Variants in FBXO48 observed in about 807,000 individuals in gnomAD.
The protein encoded by FBXO48 is F-box protein 48.
FBXO48 carries 12 observed loss-of-function variants against 14.3 expected under a neutral mutation model. The observed-to-expected ratio is 0.84, with a 90% CI of 0.54 to 1.36. The LOEUF (loss-of-function observed/expected upper bound fraction) is 1.36, where lower values mean the gene tolerates loss of function less well. Ranked by LOEUF, FBXO48 falls within the 40% of genes most tolerant of loss-of-function variation. The pLI is 0.00. For missense variants in FBXO48, 177 were observed against 179.1 expected (o/e 0.99, Z 0.07); for synonymous variants, 53 against 61.7 (o/e 0.86, Z 0.66).
rs762735874 is a variant in FBXO48 at position 68,465,063 on chromosome 2, T to C, written c.83A>G (p.Asn28Ser). The C allele has an allele frequency of 3.8e-5, 62 of 1,613,434 alleles. No homozygotes were observed. Among genetic ancestry groups the C allele is most frequent in the Non-Finnish European group, 3.4e-5 (40 of 1,179,732 alleles). ...ANSVDAEKEKNESQNNFFELL... is the reference protein window; with the variant it reads ...ANSVDAEKEKSESQNNFFELL... ...TTCAAAAAAGTTGTTTTGACTCTCA[T>C]TTTTTTCCTTCTCAGCATCCACAGA... The change falls in exon 3 of 4, where the codon AAT (asparagine) becomes AGT (serine). Residue 28 changes from asparagine to serine, a missense_variant. Coordinates refer to ENST00000377957, the MANE Select transcript of FBXO48 (RefSeq NM_001024680.3).
intron 3 of FBXO48, 78 bp downstream of exon 3, chr2:68,464,762 A>G: frequency 4.7e-6 from 5 of 1,058,838 alleles, no homozygotes; most frequent in South Asian, 1.4e-5. Flanking sequence ...TGACTCCTCC[A>G]AGCAGAAGTT....
In FBXO48 at chr2:68,463,769, A is replaced by C. The variant is rs1017263579; in HGVS notation, c.*440T>G. 1.9e-5 allele frequency: 3 copies of C among 155,388 alleles called. No individual in the cohort carries two copies. Among genetic ancestry groups the C allele is most frequent in the African/African-American group, 7.2e-5 (3 of 41,472 alleles). 9.6% of individuals were successfully genotyped at this position (155,388 alleles called of 1,614,324 possible). A position where few individuals can be genotyped will look rare whatever the true frequency, so the allele number is the denominator to read the frequency against. On this transcript the variant is annotated 3_prime_UTR_variant, in exon 4 of 4. Transcript: ENST00000377957. Reference sequence around the variant, plus strand: ...TTAAAATGTCAATGTATTAATTTAAATGTATTGCTATTAATTTCACTTAGC... The same window carrying C: ...TTAAAATGTCAATGTATTAATTTAACTGTATTGCTATTAATTTCACTTAGC...
Position 68,461,378 on chromosome 2 carries a change from G to A in FBXO48, c.*2831C>T, listed in dbSNP as rs1675260814. On this transcript the variant is annotated 3_prime_UTR_variant, in exon 4 of 4. Transcript: ENST00000377957. ...GTGGCGCAATCTCGGCTCACTGCAAGCTCCGCCTCCCGGGTTCACGCCATT... is the reference window on the plus strand; with the variant it reads ...GTGGCGCAATCTCGGCTCACTGCAAACTCCGCCTCCCGGGTTCACGCCATT... 1 of 143,654 alleles carries A rather than the reference G, an allele frequency of 7.0e-6. No homozygotes were observed. The highest frequency in any genetic ancestry group is 2.2e-4 in the South Asian group (1 of 4,596). 8.9% of individuals were successfully genotyped at this position (143,654 alleles called of 1,614,324 possible).
intron 2 of FBXO48, among the ~76,000 whole-genome samples, chr2:68,465,620 G>A (rs1245892239): frequency 6.6e-6 from 1 of 151,004 alleles, no homozygotes; most frequent in Non-Finnish European, 1.5e-5. Flanking sequence ...TTGAACTCTT[G>A]TCCTCAAGCA....
intron 2 of FBXO48, among the ~76,000 whole-genome samples, chr2:68,465,694 T>C (rs1220430921): frequency 6.6e-6 from 1 of 152,112 alleles, no homozygotes; most frequent in Admixed American, 6.5e-5. Context: ...ACCCGGTACT[T>C]TTGTACCTTT....
Position 68,464,371 on chromosome 2 carries a change from C to T in FBXO48, c.307-1G>A, listed in dbSNP as rs746605408. ...TCTGGTAATTCCTCAGCAGTATCACCTGAAAGAGGTAAATCACCGTTAAAA... is the reference window on the plus strand; with the variant it reads ...TCTGGTAATTCCTCAGCAGTATCACTTGAAAGAGGTAAATCACCGTTAAAA... On this transcript the variant is annotated splice_acceptor_variant, in intron 3 of 3. Coordinates refer to ENST00000377957, the MANE Select transcript of FBXO48 (RefSeq NM_001024680.3). LOFTEE classifies it high-confidence loss of function. The T allele has an allele frequency of 1.2e-6, 2 of 1,613,230 alleles. No homozygotes were observed. Among genetic ancestry groups the T allele is most frequent in the South Asian group, 1.1e-5 (1 of 91,050 alleles).
rs984266049 is a variant in FBXO48 at position 68,460,803 on chromosome 2, G to A, written c.*3406C>T. The A allele has an allele frequency of 6.6e-6, 1 of 152,222 alleles. No individual in the cohort carries two copies. 9.4% of individuals were successfully genotyped at this position (152,222 alleles called of 1,614,324 possible). A position where few individuals can be genotyped will look rare whatever the true frequency, so the allele number is the denominator to read the frequency against. Reference sequence around the variant, plus strand: ...GGAAAGCGAGTCTTTGGAGGAAACTGAGAAGACGGGTTAGAGTAGGGAAAG... The same window carrying A: ...GGAAAGCGAGTCTTTGGAGGAAACTAAGAAGACGGGTTAGAGTAGGGAAAG... On this transcript the variant is annotated 3_prime_UTR_variant, in exon 4 of 4. Transcript: ENST00000377957.
rs1266956814 is a variant in FBXO48 at position 68,459,765 on chromosome 2, A to T, written c.*4444T>A. The T allele has an allele frequency of 1.3e-5, 2 of 152,226 alleles. No individual in the cohort carries two copies. Among genetic ancestry groups the T allele is most frequent in the Non-Finnish European group, 2.9e-5 (2 of 68,036 alleles). The allele number at this position is 152,226 out of a possible 1,614,324, so 9.4% of individuals were successfully genotyped here. A position where few individuals can be genotyped will look rare whatever the true frequency, so the allele number is the denominator to read the frequency against. On this transcript the variant is annotated 3_prime_UTR_variant, in exon 4 of 4. Transcript: ENST00000377957. ...CCTGCCATTAAGAAGTTCACAGTGT[A>T]AAGGGGCAAACACACAAATAAAATA...
Position 68,462,352 on chromosome 2 carries a change from CCTTT to C in FBXO48, c.*1853_*1856del, listed in dbSNP as rs983895939. 9 of 151,818 alleles carry C rather than the reference CCTTT, an allele frequency of 5.9e-5. No individual in the cohort carries two copies. The highest frequency in any genetic ancestry group is 2.2e-4 in the African/African-American group (9 of 41,280). The allele number at this position is 151,818 out of a possible 1,614,324, so 9.4% of individuals were successfully genotyped here. A position where few individuals can be genotyped will look rare whatever the true frequency, so the allele number is the denominator to read the frequency against. On this transcript the variant is annotated 3_prime_UTR_variant, in exon 4 of 4. Transcript: ENST00000377957. ...TTTATGAAATAAAATTAGTAGGATACCTTTCTTTCTTCCTTTTTTTTTGAGACGA... is the reference window on the plus strand; with the variant it reads ...TTTATGAAATAAAATTAGTAGGATACCTTTCTTCCTTTTTTTTTGAGACGA...
In FBXO48 at chr2:68,461,018, T is replaced by G. The variant is rs147232323; in HGVS notation, c.*3191A>C. 8 of 152,330 alleles carry G rather than the reference T, an allele frequency of 5.3e-5. No homozygotes were observed. The East Asian group carries it at 1.2e-3, about 22-fold the overall frequency. The allele number at this position is 152,330 out of a possible 1,614,324, so 9.4% of individuals were successfully genotyped here. A position where few individuals can be genotyped will look rare whatever the true frequency, so the allele number is the denominator to read the frequency against. The stretch of plus-strand genomic sequence containing the variant: ...ACCATATGGAGTGATGGCCATATTA[T>G]AGCAGATTAAGACTGACTGGTGAGG... On this transcript the variant is annotated 3_prime_UTR_variant, in exon 4 of 4. Transcript: ENST00000377957.
Position 68,461,769 on chromosome 2 carries a change from C to G in FBXO48, c.*2440G>C, listed in dbSNP as rs985522661. 5 of 151,132 alleles carry G rather than the reference C, an allele frequency of 3.3e-5. No individual in the cohort carries two copies. The highest frequency in any genetic ancestry group is 9.7e-5 in the African/African-American group (4 of 41,118). 9.4% of individuals were successfully genotyped at this position (151,132 alleles called of 1,614,324 possible). ...AAAAAAAAACAAGAAAACAAAAAACCCAGCTGGGTGCGGTGGCTCATGCCT... is the reference window on the plus strand; with the variant it reads ...AAAAAAAAACAAGAAAACAAAAAACGCAGCTGGGTGCGGTGGCTCATGCCT... On this transcript the variant is annotated 3_prime_UTR_variant, in exon 4 of 4. Transcript: ENST00000377957.
In FBXO48 at chr2:68,463,974, T is replaced by C; in HGVS notation, c.*235A>G. 2.4e-6 allele frequency: 1 copy of C among 409,794 alleles called. No homozygotes were observed. Among genetic ancestry groups the C allele is most frequent in the Non-Finnish European group, 4.5e-6 (1 of 224,260 alleles). The allele number at this position is 409,794 out of a possible 1,614,324, so 25.4% of individuals were successfully genotyped here. A position where few individuals can be genotyped will look rare whatever the true frequency, so the allele number is the denominator to read the frequency against. ...TTGTATTTGGAAATCACTCTATCAG[T>C]ATATTATTTCTTATAAAAATAACAT... On this transcript the variant is annotated 3_prime_UTR_variant, in exon 4 of 4. Coordinates refer to ENST00000377957, the MANE Select transcript of FBXO48 (RefSeq NM_001024680.3).
chr2:68,464,402 T>G, intron 3 of FBXO48, 32 bp from the exon 4 acceptor site: 1 of 1,602,352 alleles, frequency 6.2e-7, no homozygotes, highest in Non-Finnish European at 8.5e-7. Flanking sequence ...TAAAAAAGAC[T>G]GTAGTAGGTG....
intron 1 of FBXO48, among the ~76,000 whole-genome samples, chr2:68,466,726 G>A (rs1329326347): frequency 6.6e-6 from 1 of 152,108 alleles, no homozygotes; most frequent in Non-Finnish European, 1.5e-5. Flanking sequence ...GGGAATGAAG[G>A]CTTTTGAATT....
chr2:68,462,837 G>C lies in FBXO48; in HGVS notation c.*1372C>G, dbSNP rs188864415. On this transcript the variant is annotated 3_prime_UTR_variant, in exon 4 of 4. Coordinates refer to ENST00000377957, the MANE Select transcript of FBXO48 (RefSeq NM_001024680.3). ...CAGCCTGGTTCTAGAGGGTGGAAGTGGGGCTAGAAGGCAAACGTTACAGAG... is the reference window on the plus strand; with the variant it reads ...CAGCCTGGTTCTAGAGGGTGGAAGTCGGGCTAGAAGGCAAACGTTACAGAG... 2 of 152,406 alleles carry C rather than the reference G, an allele frequency of 1.3e-5. No homozygotes were observed. The highest frequency in any genetic ancestry group is 2.9e-5 in the Non-Finnish European group (2 of 68,096). 9.4% of individuals were successfully genotyped at this position (152,406 alleles called of 1,614,324 possible).
Position 68,459,720 on chromosome 2 carries a change from AAAAT to A in FBXO48, c.*4485_*4488del, listed in dbSNP as rs1250736075. 3 of 152,180 alleles carry A rather than the reference AAAAT, an allele frequency of 2.0e-5. No individual in the cohort carries two copies. Among genetic ancestry groups the A allele is most frequent in the African/African-American group, 4.8e-5 (2 of 41,446 alleles). The allele number at this position is 152,180 out of a possible 1,614,324, so 9.4% of individuals were successfully genotyped here. A position where few individuals can be genotyped will look rare whatever the true frequency, so the allele number is the denominator to read the frequency against. ...GTGTGTGCCAGGTTTTGAAGACACA[AAAAT>A]AAATAAAAAATGGTCCCTGCCATTA... On this transcript the variant is annotated 3_prime_UTR_variant, in exon 4 of 4. Transcript: ENST00000377957.
At position 68,459,614 on chromosome 2, in the gene FBXO48, G is replaced by A. The variant is rs1675221747; in HGVS notation, c.*4595C>T. 6.6e-6 allele frequency: 1 copy of A among 151,700 alleles called. No homozygotes were observed. Among genetic ancestry groups the A allele is most frequent in the East Asian group, 1.9e-4 (1 of 5,186 alleles). The allele number at this position is 151,700 out of a possible 1,614,324, so 9.4% of individuals were successfully genotyped here. ...TACAATCTTCTTCACTAACAATATA[G>A]TAAATTATTTTTATACATTCTGTGT... On this transcript the variant is annotated 3_prime_UTR_variant, in exon 4 of 4. Transcript: ENST00000377957.
Position 68,460,199 on chromosome 2 carries a change from G to C in FBXO48, c.*4010C>G, listed in dbSNP as rs1024181704. The C allele has an allele frequency of 6.6e-6, 1 of 152,110 alleles. No individual in the cohort carries two copies. The highest frequency in any genetic ancestry group is 2.4e-5 in the African/African-American group (1 of 41,408). The allele number at this position is 152,110 out of a possible 1,614,324, so 9.4% of individuals were successfully genotyped here. On this transcript the variant is annotated 3_prime_UTR_variant, in exon 4 of 4. Coordinates refer to ENST00000377957, the MANE Select transcript of FBXO48 (RefSeq NM_001024680.3). ...CGTGCTAAATTTGGGGTTTAACAAA[G>C]ACTACACTGCTAACAGTAAAAGGAA...
Position 68,465,074 on chromosome 2 carries a change from C to T in FBXO48, c.72G>A (p.Glu24=). The T allele has an allele frequency of 6.2e-7, 1 of 1,613,802 alleles. No individual in the cohort carries two copies. The highest frequency in any genetic ancestry group is 8.5e-7 in the Non-Finnish European group (1 of 1,179,932). The change falls in exon 3 of 4, where the codon GAG becomes GAA. Residue 24 remains glutamate (E), a synonymous_variant. Coordinates refer to ENST00000377957, the MANE Select transcript of FBXO48 (RefSeq NM_001024680.3). ...SHTEANSVDA[E]KEKNESQNNF... Reference sequence around the variant, plus strand: ...TGTTTTGACTCTCATTTTTTTCCTTCTCAGCATCCACAGAGTTCGCTTCTG... The same window carrying T: ...TGTTTTGACTCTCATTTTTTTCCTTTTCAGCATCCACAGAGTTCGCTTCTG...
Sources: allele counts gnomAD v4.1 joint callset (sites outside exome capture counted in the v4.1 genomes callset), GRCh38; gene constraint gnomAD v4.1.1; transcripts MANE v1.5; gene names NCBI Gene and HGNC (gene_info 2026-07-23, HGNC 2026-07-21).